The following IL4I1 variants were observed in gnomAD, a reference collection of about 807,000 sequenced individuals.
IL4I1 encodes interleukin 4 induced 1, also known as L-amino-acid oxidase.
IL4I1 carries 24 observed loss-of-function variants against 29.7 expected under a neutral mutation model. That is an observed-to-expected ratio of 0.81 (90% confidence interval 0.59 to 1.14). The LOEUF is 1.14. Ranked by LOEUF, IL4I1 falls within the 50% of genes most tolerant of loss-of-function variation. IL4I1 has a pLI of 0.00. For missense variants in IL4I1, 686 were observed against 785.6 expected, an observed-to-expected ratio of 0.87 and a Z score of 1.52; for synonymous variants, 371 against 352.5, an observed-to-expected ratio of 1.05 and a Z score of -0.59.
Position 49,895,180 on chromosome 19 carries a change from C to A in IL4I1, c.253G>T (p.Val85Phe). Residue 85 changes from valine (V) to phenylalanine (F), a missense_variant and splice_region_variant, in exon 4 of 8, where the codon GTC becomes TTC. Physicochemically the swap from Val to Phe is conservative, Grantham distance 50 (BLOSUM62 -1). Coordinates refer to ENST00000391826, the MANE Select transcript of IL4I1 (RefSeq NM_152899.2). ...CTGTTATCTGCCTCCAGGATGGTGA[C>A]CTGAGGGAGTCCGTGGGGCGAGGAG... ...AKVLSDAGHK[V>F]TILEADNRIG... The A allele has an allele frequency of 1.9e-6, 3 of 1,613,158 alleles. No homozygotes were observed. Among genetic ancestry groups the A allele is most frequent in the Non-Finnish European group, 2.5e-6 (3 of 1,179,374 alleles).
At chr19:49,926,644 T>C (rs1376548710) in intron 2 of IL4I1, among the ~76,000 whole-genome samples, 1 of 152,220 alleles carries the variant, frequency 6.6e-6, no homozygotes, top group Non-Finnish European at 1.5e-5. Flanking sequence ...TGTGCGTCCT[T>C]ACCACTGGCA....
chr19:49,909,379 G>A (rs1386748049), intron 2 of IL4I1: 4 of 1,613,328 alleles, frequency 2.5e-6, no homozygotes, highest in African/African-American at 2.7e-5. Context: ...TGGTGGAGGG[G>A]CCAAACACAA....
chr19:49,891,804 G>A (rs2075143526), intron 5 of IL4I1, among the ~76,000 whole-genome samples: 1 of 152,224 alleles, frequency 6.6e-6, no homozygotes, highest in Admixed American at 6.5e-5. Flanking sequence ...TGGAGGCAGG[G>A]ATGTGGGCAG....
At chr19:49,924,525 C>A (rs906667507) in intron 2 of IL4I1, among the ~76,000 whole-genome samples, 1 of 152,194 alleles carries the variant, frequency 6.6e-6, no homozygotes, top group Non-Finnish European at 1.5e-5. Context: ...CCAAGCCAGG[C>A]CCCTCCGCAC....
upstream of IL4I1, among the ~76,000 whole-genome samples, chr19:49,898,008 C>T (rs1057077974): frequency 5.9e-5 from 9 of 152,124 alleles, no homozygotes; most frequent in Admixed American, 3.9e-4. Flanking sequence ...GTTCAGGGAC[C>T]GAAAGAGCTT....
chr19:49,917,105 C>A (rs558152300), intron 2 of IL4I1, among the ~76,000 whole-genome samples: 1 of 152,146 alleles, frequency 6.6e-6, no homozygotes, highest in African/African-American at 2.4e-5. Context: ...GAAGTATGAC[C>A]GGTGGAACCA....
chr19:49,898,353 T>C (rs2075237962), upstream of IL4I1, among the ~76,000 whole-genome samples: 2 of 151,886 alleles, frequency 1.3e-5, no homozygotes, highest in Non-Finnish European at 2.9e-5. Context: ...AAAATAGTAA[T>C]GAGGGCCGGG....
intron 4 of IL4I1, among the ~76,000 whole-genome samples, 181 bp from the exon 5 acceptor site, chr19:49,894,650 A>G (rs1340249648): frequency 6.6e-6 from 1 of 151,700 alleles, no homozygotes; most frequent in Non-Finnish European, 1.5e-5. Flanking sequence ...ACAAGGCTGG[A>G]GGCCTCAGGG....
intron 2 of IL4I1, among the ~76,000 whole-genome samples, chr19:49,913,590 C>CTCTCTACCT (rs2075539852): frequency 6.6e-6 from 1 of 152,244 alleles, no homozygotes; most frequent in South Asian, 2.1e-4. Flanking sequence ...GAGCACTGTC[C>CTCTCTACCT]GCGGGACTCT....
chr19:49,890,473 T>A lies in IL4I1; in HGVS notation c.901A>T (p.Ile301Phe). The change falls in exon 8 of 8, where the codon ATC becomes TTC. Residue 301 changes from isoleucine to phenylalanine, a missense_variant. Transcript: ENST00000391826. ...TTCCGCGCCGGGGGAGAGGTCTCGATCTGCACGTGCACATCGTGCGGTCCC... is the reference window on the plus strand; with the variant it reads ...TTCCGCGCCGGGGGAGAGGTCTCGAACTGCACGTGCACATCGTGCGGTCCC... ...TQGPHDVHVQ[I>F]ETSPPARNLK... 5 of 1,612,028 alleles carry A rather than the reference T, an allele frequency of 3.1e-6. No individual in the cohort carries two copies. The highest frequency in any genetic ancestry group is 3.4e-6 in the Non-Finnish European group (4 of 1,179,810).
chr19:49,893,321 G>A (rs914770791), intron 5 of IL4I1, among the ~76,000 whole-genome samples: 5 of 151,924 alleles, frequency 3.3e-5, no homozygotes, highest in Admixed American at 2.6e-4. Flanking sequence ...GCCTGAGCTG[G>A]GGCAGGCAGA....
intron 2 of IL4I1, chr19:49,917,890 G>A (rs2075665122): frequency 2.0e-5 from 3 of 152,214 alleles, no homozygotes; most frequent in Non-Finnish European, 4.4e-5. Context: ...AAATTAGCCA[G>A]GTGTGGTGGT....
At chr19:49,920,310 C>T (rs527674656) in intron 2 of IL4I1, among the ~76,000 whole-genome samples, 19 of 152,240 alleles carry the variant, frequency 1.2e-4, no homozygotes, top group African/African-American at 3.6e-4. Context: ...ATGAATCTCT[C>T]GACCTTGAGA....
At chr19:49,901,863 T>C (rs1009403855), upstream of IL4I1, 1 of 509,912 alleles carries the variant, frequency 2.0e-6, no homozygotes, top group Non-Finnish European at 3.4e-6. Context: ...TGTTTTATTA[T>C]GGAAACTTTC....
chr19:49,922,166 T>A (rs951183125), intron 2 of IL4I1, among the ~76,000 whole-genome samples: 2 of 152,168 alleles, frequency 1.3e-5, no homozygotes, highest in African/African-American at 2.4e-5. Context: ...AGGCTCTAGG[T>A]CAAATAGATG....
chr19:49,908,736 C>G, intron 2 of IL4I1: 1 of 1,613,466 alleles, frequency 6.2e-7, no homozygotes. Context: ...CAGGCGTTGA[C>G]CTGGGTGGCC....
intron 2 of IL4I1, chr19:49,908,452 C>T (rs2075372522): frequency 6.2e-7 from 1 of 1,614,158 alleles, no homozygotes. Context: ...CGATGATGTC[C>T]TTGAGATCCT....
chr19:49,929,039 C>G (rs2075989525), intron 1 of IL4I1: 1 of 152,284 alleles, frequency 6.6e-6, no homozygotes, highest in Admixed American at 6.5e-5. Flanking sequence ...AGGAGGGTCC[C>G]GGACCCTAGG....
At chr19:49,890,661 C>T in intron 7 of IL4I1, 61 bp from the exon 8 acceptor site, 2 of 1,382,204 alleles carry the variant, frequency 1.4e-6, no homozygotes, top group Non-Finnish European at 1.9e-6. Context: ...TGCCCCTCTG[C>T]CTTGCCCCAC....
Sources: allele counts gnomAD v4.1 joint callset (sites outside exome capture counted in the v4.1 genomes callset), GRCh38; gene constraint gnomAD v4.1.1; transcripts MANE v1.5; gene names NCBI Gene and HGNC (gene_info 2026-07-23, HGNC 2026-07-21).